IGSF11: variants seen among roughly 807,000 people sequenced by gnomAD.
IGSF11 encodes the protein CXADR like 1.
In IGSF11, 22 loss-of-function variants were observed where a neutral mutation model predicts 41.0. The observed-to-expected ratio is 0.54, with a 90% confidence interval of 0.38 to 0.77. The LOEUF is 0.77. IGSF11 is among the 30% of genes least tolerant of loss of function. IGSF11 has a pLI of 0.00. For synonymous variants in IGSF11, 219 were observed against 201.3 expected (o/e 1.09, Z -0.74); for missense variants, 444 against 530.8 (o/e 0.84, Z 1.61).
intron 1 of IGSF11, among the ~76,000 whole-genome samples, chr3:119,053,565 C>T (rs753300708): frequency 2.0e-5 from 3 of 152,060 alleles, no homozygotes; most frequent in Admixed American, 2.0e-4. Context: ...TGGGTAGAAT[C>T]AATATTGTGA....
At chr3:119,053,804 G>A (rs1252782812) in intron 1 of IGSF11, among the ~76,000 whole-genome samples, 5 of 152,156 alleles carry the variant, frequency 3.3e-5, no homozygotes, top group African/African-American at 1.2e-4. Context: ...GCATGGTACT[G>A]TTATAAGTAC....
intron 1 of IGSF11, among the ~76,000 whole-genome samples, chr3:118,962,042 T>C (rs1945371477): frequency 6.6e-6 from 1 of 152,224 alleles, no homozygotes; most frequent in South Asian, 2.1e-4. Flanking sequence ...TGATACATGT[T>C]TGTTGGAAAG....
chr3:118,902,873 T>C lies in IGSF11; in HGVS notation c.943A>G (p.Asn315Asp), dbSNP rs1939077492. The change falls in exon 7 of 7, where the codon AAT (asparagine) becomes GAT (aspartate). Residue 315 changes from asparagine (N) to aspartate (D), a missense_variant. Physicochemically the swap from Asn to Asp is conservative, Grantham distance 23 (BLOSUM62 1). Around this residue, in one of 3 missense-constraint regions of IGSF11, gnomAD observed 223 missense variants for 226.2 expected, o/e 0.99. Transcript: ENST00000393775. ...CTCCAGTATCGACTGTTGTAGGCAT[T>C]GGAAGAGGTTAGTGTGTTGTTGTCC... is the stretch of plus-strand genomic sequence containing the variant. ...SSDNNTLTSSNAYNSRYWSNN... is the reference protein window; with the variant it reads ...SSDNNTLTSSDAYNSRYWSNN... 1.9e-6 allele frequency: 3 copies of C among 1,614,194 alleles called. No individual in the cohort carries two copies. Among genetic ancestry groups the C allele is most frequent in the Non-Finnish European group, 1.7e-6 (2 of 1,180,002 alleles).
intron 4 of IGSF11, among the ~76,000 whole-genome samples, chr3:118,910,364 A>T (rs1940120963): frequency 6.6e-6 from 1 of 151,864 alleles, no homozygotes. Context: ...GTTAACTCTG[A>T]CTCTTCTGAG....
chr3:119,124,870 A>T (rs1227223864), intron 1 of IGSF11, among the ~76,000 whole-genome samples: 2 of 152,138 alleles, frequency 1.3e-5, no homozygotes, highest in Non-Finnish European at 2.9e-5. Context: ...ATAAATAGTA[A>T]TCAAACTCCC....
chr3:119,074,294 T>C (rs962273535), intron 1 of IGSF11, among the ~76,000 whole-genome samples: 2 of 151,786 alleles, frequency 1.3e-5, no homozygotes, highest in Non-Finnish European at 2.9e-5. Context: ...TTTAAAAAAA[T>C]AGAAATAACA....
chr3:119,111,700 T>C (rs747362636), intron 1 of IGSF11, among the ~76,000 whole-genome samples: 1 of 152,246 alleles, frequency 6.6e-6, no homozygotes, highest in Non-Finnish European at 1.5e-5. Flanking sequence ...TTCTGCTCTG[T>C]TGTTTCCCCA....
At chr3:119,105,244 C>T (rs1272740200), upstream of IGSF11, 1 of 1,156,518 alleles carries the variant, frequency 8.6e-7, no homozygotes, top group South Asian at 1.3e-5. Flanking sequence ...GACTTTATGT[C>T]ATCATAACAT....
At chr3:119,045,459 T>C (rs1102580) in intron 1 of IGSF11, among the ~76,000 whole-genome samples, 113,099 of 152,116 alleles carry the variant, frequency 0.74, 43,140 homozygotes, top group African/African-American at 0.93. Context: ...CGGCGCACCA[T>C]GAGATTATAT....
intron 1 of IGSF11, among the ~76,000 whole-genome samples, chr3:118,992,730 A>G (rs1402449394): frequency 6.6e-6 from 1 of 152,236 alleles, no homozygotes; most frequent in Non-Finnish European, 1.5e-5. Flanking sequence ...AAGAAATTTC[A>G]CTGGAGTTAA....
At chr3:118,976,626 T>A (rs1263653101) in intron 1 of IGSF11, among the ~76,000 whole-genome samples, 1 of 152,186 alleles carries the variant, frequency 6.6e-6, no homozygotes, top group Non-Finnish European at 1.5e-5. Context: ...AAACTTTTAT[T>A]CTAGTCTGAA....
At chr3:119,012,177 C>G (rs1938209869) in intron 1 of IGSF11, among the ~76,000 whole-genome samples, 1 of 151,898 alleles carries the variant, frequency 6.6e-6, no homozygotes, top group Admixed American at 6.6e-5. Flanking sequence ...CAAAAAATAC[C>G]CTTAAAGACA....
At chr3:118,961,636 G>A (rs1343640597) in intron 1 of IGSF11, among the ~76,000 whole-genome samples, 6 of 152,310 alleles carry the variant, frequency 3.9e-5, no homozygotes, top group South Asian at 2.1e-4. Flanking sequence ...TAAGGTGAGT[G>A]TATAAATGGC....
intron 1 of IGSF11, among the ~76,000 whole-genome samples, chr3:118,952,295 C>T (rs1944630610): frequency 6.6e-6 from 1 of 152,076 alleles, no homozygotes; most frequent in African/African-American, 2.4e-5. Context: ...GGTAATATGG[C>T]AACAGTGAAG....
intron 1 of IGSF11, among the ~76,000 whole-genome samples, chr3:119,027,815 T>A (rs1369291023): frequency 6.6e-6 from 1 of 152,178 alleles, no homozygotes; most frequent in Non-Finnish European, 1.5e-5. Flanking sequence ...CAAGTCTTGA[T>A]CAACAAGGCT....
At chr3:119,071,264 C>T (rs895447941) in intron 1 of IGSF11, among the ~76,000 whole-genome samples, 1 of 152,152 alleles carries the variant, frequency 6.6e-6, no homozygotes, top group Admixed American at 6.5e-5. Flanking sequence ...ATTATTTATT[C>T]CCATTCTGTG....
intron 1 of IGSF11, among the ~76,000 whole-genome samples, chr3:118,960,459 T>G (rs1945267022): frequency 6.6e-6 from 1 of 152,200 alleles, no homozygotes; most frequent in Non-Finnish European, 1.5e-5. Flanking sequence ...TTCCATAAAA[T>G]GTATTTTATC....
At chr3:119,107,953 GT>G (rs1455589535), upstream of IGSF11, among the ~76,000 whole-genome samples, 85 of 149,976 alleles carry the variant, frequency 5.7e-4, no homozygotes, top group African/African-American at 1.8e-3. Flanking sequence ...CTATATCTCT[GT>G]TTTGGTACCA....
At chr3:118,903,478 T>C (rs553843779) in intron 6 of IGSF11, among the ~76,000 whole-genome samples, 22 of 152,248 alleles carry the variant, frequency 1.4e-4, no homozygotes, top group African/African-American at 4.8e-4. Flanking sequence ...AATCAAACTA[T>C]AGGTATGCAG....
Sources: allele counts gnomAD v4.1 joint callset (sites outside exome capture counted in the v4.1 genomes callset), GRCh38; gene constraint gnomAD v4.1.1; regional missense constraint gnomAD v4.1.1; transcripts MANE v1.5; gene names NCBI Gene and HGNC (gene_info 2026-07-23, HGNC 2026-07-21).